Variants in COX7A2 observed in about 807,000 individuals in gnomAD.
The protein encoded by COX7A2 is cytochrome c oxidase subunit 7A2, mitochondrial.
In COX7A2, 11 loss-of-function variants were observed where a neutral mutation model predicts 11.6. The observed-to-expected ratio is 0.95, with a 90% confidence interval of 0.60 to 1.57. The LOEUF is 1.57. Among genes scored for constraint, COX7A2 ranks in the 40% most tolerant of loss-of-function variants. The probability of loss-of-function intolerance (pLI) is 0.00; values close to 1 mark genes in which losing one functional copy is unlikely to be tolerated. For synonymous variants in COX7A2, 30 were observed against 38.2 expected, an observed-to-expected ratio of 0.78 and a Z score of 0.79; for missense variants, 106 against 100.9, an observed-to-expected ratio of 1.05 and a Z score of -0.22.
upstream of COX7A2, among the ~76,000 whole-genome samples, chr6:75,244,669 A>C (rs1228261238): frequency 6.6e-6 from 1 of 152,216 alleles, no homozygotes; most frequent in Non-Finnish European, 1.5e-5. Context: ...ACTTTCTACA[A>C]ACTCTTACAA....
At chr6:75,243,681 G>T in intron 1 of COX7A2, 36 bp downstream of exon 1, 1 of 1,590,502 alleles carries the variant, frequency 6.3e-7, no homozygotes, top group Non-Finnish European at 8.6e-7. Context: ...CCACTCCCTC[G>T]CCCCCATCAT....
At chr6:75,246,964 T>C (rs1216449346), upstream of COX7A2, among the ~76,000 whole-genome samples, 1 of 152,212 alleles carries the variant, frequency 6.6e-6, no homozygotes, top group African/African-American at 2.4e-5. Context: ...TTGGGGTTCT[T>C]TTATCCTTGC....
At chr6:75,243,468 G>A (rs1020132451) in intron 1 of COX7A2, among the ~76,000 whole-genome samples, 1 of 152,092 alleles carries the variant, frequency 6.6e-6, no homozygotes, top group Non-Finnish European at 1.5e-5. Context: ...AAGAACCCAA[G>A]ACGGGTCTAA....
intron 3 of COX7A2, among the ~76,000 whole-genome samples, chr6:75,238,223 A>G (rs1304973651): frequency 6.6e-6 from 1 of 152,074 alleles, no homozygotes; most frequent in Non-Finnish European, 1.5e-5. Context: ...TAAAATGCAA[A>G]AATTTTTAAA....
At chr6:75,243,887 G>A (rs924933347), upstream of COX7A2, 30 of 1,531,658 alleles carry the variant, frequency 2.0e-5, no homozygotes, top group Non-Finnish European at 2.7e-5. Flanking sequence ...ACCATAGAGA[G>A]CAAAAGAAAA....
At chr6:75,239,129 T>A (rs1264498846) in intron 3 of COX7A2, among the ~76,000 whole-genome samples, 1 of 152,178 alleles carries the variant, frequency 6.6e-6, no homozygotes, top group East Asian at 1.9e-4. Context: ...CCTTTTATAA[T>A]AAACTGGTAA....
intron 1 of COX7A2, among the ~76,000 whole-genome samples, chr6:75,242,946 A>AAG (rs1771562259): frequency 6.6e-6 from 1 of 152,242 alleles, no homozygotes; most frequent in Non-Finnish European, 1.5e-5. Context: ...TTCTCTCATT[A>AAG]CATTTTTCCT....
At chr6:75,247,345 GT>G (rs1771701600), upstream of COX7A2, among the ~76,000 whole-genome samples, 1 of 152,028 alleles carries the variant, frequency 6.6e-6, no homozygotes, top group Admixed American at 6.6e-5. Flanking sequence ...GTGTGTGTGC[GT>G]ACACACATCT....
intron 1 of COX7A2, among the ~76,000 whole-genome samples, chr6:75,249,737 G>T (rs368573422): frequency 6.6e-6 from 1 of 152,204 alleles, no homozygotes. Flanking sequence ...ACAGTGGAAG[G>T]CTGATTTCAG....
At chr6:75,243,442 G>A (rs1032924147) in intron 1 of COX7A2, among the ~76,000 whole-genome samples, 1 of 152,108 alleles carries the variant, frequency 6.6e-6, no homozygotes, top group Admixed American at 6.5e-5. Flanking sequence ...GACCGACAGG[G>A]TTAGAGGTGG....
At chr6:75,249,677 T>C (rs1771750356) in intron 1 of COX7A2, among the ~76,000 whole-genome samples, 6 of 152,202 alleles carry the variant, frequency 3.9e-5, no homozygotes. Flanking sequence ...GCCAAATGTC[T>C]TGGGGAATTG....
chr6:75,237,919 G>A lies in COX7A2; in HGVS notation c.*11C>T, dbSNP rs766867977. 6.2e-7 allele frequency: 1 copy of A among 1,604,782 alleles called. No individual in the cohort carries two copies. Among genetic ancestry groups the A allele is most frequent in the South Asian group, 1.1e-5 (1 of 90,330 alleles). On this transcript the variant is annotated 3_prime_UTR_variant, in exon 4 of 4. Coordinates refer to ENST00000684430, the MANE Select transcript of COX7A2 (RefSeq NM_001366293.2). ...TGAAACTGAACCAAGCGATTGCTGGGATGACTGAAGTCACTCCTGCTTCTT... is the reference window on the plus strand; with the variant it reads ...TGAAACTGAACCAAGCGATTGCTGGAATGACTGAAGTCACTCCTGCTTCTT...
At chr6:75,243,123 C>G (rs551977055) in intron 1 of COX7A2, among the ~76,000 whole-genome samples, 33 of 152,178 alleles carry the variant, frequency 2.2e-4, no homozygotes, top group Non-Finnish European at 3.8e-4. Context: ...TAATCATTGT[C>G]GCATTTTTCT....
At chr6:75,240,187 A>G (rs567341084) in intron 3 of COX7A2, 114 bp downstream of exon 3, 2 of 751,728 alleles carry the variant, frequency 2.7e-6, no homozygotes, top group East Asian at 5.2e-5. Context: ...TAAGATATCA[A>G]ATTCTGGAGA....
chr6:75,243,165 T>C (rs1407687370), intron 1 of COX7A2, among the ~76,000 whole-genome samples: 1 of 152,174 alleles, frequency 6.6e-6, no homozygotes, highest in African/African-American at 2.4e-5. Flanking sequence ...TTTCACATGC[T>C]CAAAGTCGAT....
chr6:75,249,319 G>C (rs758484321), intron 1 of COX7A2, among the ~76,000 whole-genome samples: 2 of 152,184 alleles, frequency 1.3e-5, no homozygotes, highest in Non-Finnish European at 2.9e-5. Flanking sequence ...ACAAGAACAT[G>C]ATTAACAATC....
upstream of COX7A2, among the ~76,000 whole-genome samples, chr6:75,246,762 C>T (rs1012574737): frequency 1.3e-5 from 2 of 152,188 alleles, no homozygotes; most frequent in African/African-American, 4.8e-5. Flanking sequence ...CCCAGGGTTC[C>T]TCATTCATTA....
chr6:75,243,870 G>T, upstream of COX7A2: 1 of 1,581,188 alleles, frequency 6.3e-7, no homozygotes, highest in Non-Finnish European at 8.7e-7. Context: ...AGAGGCTTGC[G>T]CTCCTAACCA....
Position 75,240,373 on chromosome 6 carries a change from T to G in COX7A2, c.121A>C (p.Ile41Leu), listed in dbSNP as rs1771458980. The change falls in exon 3 of 4, where the codon ATT becomes CTT. Residue 41 changes from isoleucine to leucine, a missense_variant. Physicochemically the swap from Ile to Leu is conservative, Grantham distance 5 (BLOSUM62 2). Transcript: ENST00000684430. ...ACCCCACCCTTTAGATACAGTGGAA[T>G]TTCATCATCCTCCTAGATTTAAAAA... ...KQKLFQEDDE[I>L]PLYLKGGVAD... The G allele has an allele frequency of 3.2e-6, 5 of 1,579,656 alleles. No individual in the cohort carries two copies. In the East Asian group the frequency reaches 1.1e-4, roughly 36 times the overall value.
Sources: allele counts gnomAD v4.1 joint callset (sites outside exome capture counted in the v4.1 genomes callset), GRCh38; gene constraint gnomAD v4.1.1; transcripts MANE v1.5; gene names NCBI Gene and HGNC (gene_info 2026-07-23, HGNC 2026-07-21).